The following FHIT variants were observed in gnomAD, a reference collection of about 807,000 sequenced individuals.
FHIT encodes the protein bis(5'-adenosyl)-triphosphatase.
In FHIT, 19 loss-of-function variants were observed where a neutral mutation model predicts 17.9. The observed-to-expected ratio is 1.06, with a 90% CI of 0.74 to 1.56. FHIT has a LOEUF of 1.56. Among genes scored for constraint, FHIT ranks in the 40% most tolerant of loss-of-function variants. FHIT has a pLI of 0.00. For missense variants in FHIT, 248 were observed against 189.2 expected, an observed-to-expected ratio of 1.31 and a Z score of -1.82; for synonymous variants, 81 against 69.7, an observed-to-expected ratio of 1.16 and a Z score of -0.81.
chr3:61,246,423 A>T (rs2040488159), intron 1 of FHIT, among the ~76,000 whole-genome samples: 1 of 152,174 alleles, frequency 6.6e-6, no homozygotes. Context: ...TCAATAATAC[A>T]ATACATAGCT....
intron 5 of FHIT, among the ~76,000 whole-genome samples, chr3:60,339,114 A>T (rs1178223095): frequency 1.3e-5 from 2 of 152,200 alleles, no homozygotes; most frequent in African/African-American, 2.4e-5. Flanking sequence ...AATATATGCA[A>T]TATGTAAGTA....
chr3:59,760,255 T>C (rs191229453), intron 8 of FHIT, among the ~76,000 whole-genome samples: 3 of 152,334 alleles, frequency 2.0e-5, no homozygotes, highest in African/African-American at 7.2e-5. Flanking sequence ...GAGTGTTGGA[T>C]GTTTAAGAAT....
chr3:60,476,324 T>G (rs1349218903), intron 5 of FHIT, among the ~76,000 whole-genome samples: 1 of 152,160 alleles, frequency 6.6e-6, no homozygotes, highest in Non-Finnish European at 1.5e-5. Flanking sequence ...GAAGGCGCTT[T>G]AAGAACTCAA....
At chr3:60,458,745 T>C (rs1331124398) in intron 5 of FHIT, among the ~76,000 whole-genome samples, 1 of 152,016 alleles carries the variant, frequency 6.6e-6, no homozygotes, top group Non-Finnish European at 1.5e-5. Flanking sequence ...TTCAATTACG[T>C]TCTTCATGAT....
At chr3:60,680,849 CT>C (rs1456598552) in intron 4 of FHIT, among the ~76,000 whole-genome samples, 14 of 152,234 alleles carry the variant, frequency 9.2e-5, no homozygotes, top group African/African-American at 3.1e-4. Flanking sequence ...CCCCATTTTA[CT>C]TTTTTTGCTT....
chr3:59,935,673 G>T (rs1412110649), intron 7 of FHIT, among the ~76,000 whole-genome samples: 1 of 151,598 alleles, frequency 6.6e-6, no homozygotes, highest in Non-Finnish European at 1.5e-5. Context: ...ATGGATGGGT[G>T]AATGGATGGG....
intron 3 of FHIT, among the ~76,000 whole-genome samples, chr3:60,897,491 A>G: frequency 6.6e-6 from 1 of 152,200 alleles, no homozygotes; most frequent in Non-Finnish European, 1.5e-5. Flanking sequence ...CTAACTTTAC[A>G]CAATCAGATT....
chr3:60,473,444 A>C (rs1408446555), intron 5 of FHIT, among the ~76,000 whole-genome samples: 1 of 152,188 alleles, frequency 6.6e-6, no homozygotes, highest in Non-Finnish European at 1.5e-5. Flanking sequence ...TGTGAGAGAC[A>C]TTATCAAGAG....
intron 5 of FHIT, among the ~76,000 whole-genome samples, chr3:60,320,938 CAT>C (rs1709397773): frequency 1.3e-5 from 2 of 152,136 alleles, no homozygotes; most frequent in African/African-American, 4.8e-5. Flanking sequence ...TTAAATAAAA[CAT>C]GTTCAATTGT....
intron 5 of FHIT, among the ~76,000 whole-genome samples, chr3:60,428,249 T>A (rs1702749023): frequency 6.6e-6 from 1 of 152,130 alleles, no homozygotes; most frequent in Non-Finnish European, 1.5e-5. Context: ...AGTTTCCTCA[T>A]TCAATTATTG....
chr3:60,385,089 A>G (rs1042484529), intron 5 of FHIT, among the ~76,000 whole-genome samples: 8 of 152,210 alleles, frequency 5.3e-5, no homozygotes, highest in Non-Finnish European at 1.0e-4. Context: ...AATGCATACA[A>G]TATAGCATTT....
chr3:61,148,460 G>A (rs552460016), intron 2 of FHIT, among the ~76,000 whole-genome samples: 2 of 152,086 alleles, frequency 1.3e-5, no homozygotes, highest in Admixed American at 6.5e-5. Context: ...CATACAGTAT[G>A]CATTCTTTTG....
chr3:59,998,663 G>C (rs1699611829), intron 7 of FHIT, among the ~76,000 whole-genome samples: 1 of 152,096 alleles, frequency 6.6e-6, no homozygotes, highest in Admixed American at 6.6e-5. Flanking sequence ...GCCAGTCTCA[G>C]GTATAATCCA....
chr3:59,895,331 T>C (rs1295577493), intron 8 of FHIT, among the ~76,000 whole-genome samples: 1 of 152,238 alleles, frequency 6.6e-6, no homozygotes, highest in African/African-American at 2.4e-5. Context: ...CAGTTCCCAG[T>C]ACTTAGCAGG....
intron 8 of FHIT, among the ~76,000 whole-genome samples, chr3:59,913,222 T>TTG (rs1704965984): frequency 6.6e-6 from 1 of 152,122 alleles, no homozygotes; most frequent in Non-Finnish European, 1.5e-5. Context: ...GGTGTGTGTG[T>TTG]AAATGTCTCT....
At chr3:60,332,112 T>C (rs1481276986) in intron 5 of FHIT, among the ~76,000 whole-genome samples, 1 of 152,198 alleles carries the variant, frequency 6.6e-6, no homozygotes, top group Non-Finnish European at 1.5e-5. Context: ...GTACTGTCCT[T>C]AGCTCTTTAC....
intron 4 of FHIT, among the ~76,000 whole-genome samples, chr3:60,808,274 T>A (rs1553735014): frequency 1.3e-5 from 2 of 152,210 alleles, no homozygotes; most frequent in South Asian, 2.1e-4. Context: ...TTGTTTTTTT[T>A]AAAAGGAGGA....
intron 7 of FHIT, among the ~76,000 whole-genome samples, chr3:59,956,724 T>C (rs920181855): frequency 2.6e-5 from 4 of 152,122 alleles, no homozygotes; most frequent in Non-Finnish European, 4.4e-5. Context: ...TAATCATCTG[T>C]AAAATGGGGA....
At chr3:60,530,421 T>C (rs2035733546) in intron 5 of FHIT, among the ~76,000 whole-genome samples, 1 of 152,174 alleles carries the variant, frequency 6.6e-6, no homozygotes, top group African/African-American at 2.4e-5. Flanking sequence ...CAAACCTTCC[T>C]TGCACACATA....
Sources: gnomAD v4.1 joint callset for allele counts (sites outside exome capture counted in the v4.1 genomes callset) on GRCh38, gnomAD v4.1.1 for gene constraint, MANE v1.5 for transcripts, NCBI Gene and HGNC (gene_info 2026-07-23, HGNC 2026-07-21) for gene names.